RIC8B: variants seen among roughly 807,000 people sequenced by gnomAD.
RIC8B encodes the protein RIC8 guanine nucleotide exchange factor B.
A neutral mutation model predicts 57.5 loss-of-function variants in RIC8B; 16 were observed. The observed-to-expected ratio is 0.28, with a 90% CI of 0.19 to 0.42. The LOEUF (loss-of-function observed/expected upper bound fraction) is 0.42, where lower values mean the gene tolerates loss of function less well. Ranked by LOEUF, RIC8B falls within the 10% of genes least tolerant of loss-of-function variation. RIC8B has a pLI of 1.00. For synonymous variants in RIC8B, 216 were observed against 250.8 expected, an observed-to-expected ratio of 0.86 and a Z score of 1.31; for missense variants, 481 against 677.0, an observed-to-expected ratio of 0.71 and a Z score of 3.21.
At chr12:106,835,179 C>T (rs2136380274) in intron 4 of RIC8B, among the ~76,000 whole-genome samples, 1 of 152,122 alleles carries the variant, frequency 6.6e-6, no homozygotes, top group South Asian at 2.1e-4. Flanking sequence ...TCTGCCAGCA[C>T]AACTCTGGTT....
intron 2 of RIC8B, among the ~76,000 whole-genome samples, chr12:106,795,714 A>AC (rs1158588609): frequency 9.9e-5 from 15 of 152,254 alleles, no homozygotes; most frequent in Admixed American, 9.1e-4. Context: ...CTGCAGCTCG[A>AC]TTTTACAGGC....
chr12:106,846,861 A>G (rs1019621533), intron 6 of RIC8B, among the ~76,000 whole-genome samples: 3 of 152,214 alleles, frequency 2.0e-5, no homozygotes, highest in Admixed American at 2.0e-4. Flanking sequence ...GAGATGAAAC[A>G]TGACAGGTAA....
At chr12:106,840,019 A>G (rs562763463) in intron 4 of RIC8B, among the ~76,000 whole-genome samples, 2 of 152,002 alleles carry the variant, frequency 1.3e-5, no homozygotes, top group African/African-American at 2.4e-5. Flanking sequence ...CTCAAAAACA[A>G]TTTTTTTTAA....
At chr12:106,838,698 A>G (rs2046728732) in intron 4 of RIC8B, among the ~76,000 whole-genome samples, 1 of 152,220 alleles carries the variant, frequency 6.6e-6, no homozygotes, top group African/African-American at 2.4e-5. Flanking sequence ...ATGAAACTAG[A>G]AAACTTCTGC....
At chr12:106,807,089 C>G (rs1001566883) in intron 2 of RIC8B, among the ~76,000 whole-genome samples, 4 of 152,198 alleles carry the variant, frequency 2.6e-5, no homozygotes, top group East Asian at 1.9e-4. Flanking sequence ...AATTTTCCCT[C>G]TAAAATACAC....
chr12:106,861,537 CT>C (rs1195970146), intron 8 of RIC8B, among the ~76,000 whole-genome samples: 1 of 151,860 alleles, frequency 6.6e-6, no homozygotes, highest in Non-Finnish European at 1.5e-5. Context: ...GAAATAAAGA[CT>C]TTTTGGGGGA....
intron 2 of RIC8B, among the ~76,000 whole-genome samples, chr12:106,795,679 T>C (rs1462373966): frequency 6.6e-6 from 1 of 152,126 alleles, no homozygotes; most frequent in East Asian, 1.9e-4. Context: ...TTGAATATGA[T>C]TGGCACAACT....
rs372821340 is a variant in RIC8B at position 106,842,823 on chromosome 12, G to A, written c.1065+6G>A. On this transcript the variant is annotated splice_donor_region_variant and intron_variant, in intron 5 of 9. Coordinates refer to ENST00000392837, the MANE Select transcript of RIC8B (RefSeq NM_001330145.2). Reference sequence around the variant, plus strand: ...TGGAGAAGAGAATAGACAAGGTAAGGCTGATAAAATGGAAGCCCTGGGAAG... The same window carrying A: ...TGGAGAAGAGAATAGACAAGGTAAGACTGATAAAATGGAAGCCCTGGGAAG... The A allele has an allele frequency of 1.8e-4, 288 of 1,576,326 alleles. 1 individual carries two copies. The highest frequency in any genetic ancestry group is 3.1e-5 in the Non-Finnish European group (36 of 1,147,302).
chr12:106,860,575 G>T (rs1949888408), intron 8 of RIC8B, among the ~76,000 whole-genome samples, 163 bp downstream of exon 8: 2 of 152,120 alleles, frequency 1.3e-5, no homozygotes, highest in Admixed American at 1.3e-4. Context: ...TTTAGAGAGT[G>T]ACTTCAAGTG....
Position 106,825,310 on chromosome 12 carries a change from T to A in RIC8B, c.742-416T>A, listed in dbSNP as rs146884232. Among the ~76,000 whole-genome samples the A allele has an allele frequency of 2.4e-3, 365 of 152,322 alleles. 1 individual carries two copies. The highest frequency in any genetic ancestry group is 8.0e-3 in the African/African-American group (332 of 41,588). On this transcript the variant is annotated intron_variant, in intron 3 of 9. Transcript: ENST00000392837. The stretch of plus-strand genomic sequence containing the variant: ...ATTAAAATGAAGTTCGTGGATTTAT[T>A]GCTTTGAAAGTTAAGAGATGAGACA...
intron 2 of RIC8B, among the ~76,000 whole-genome samples, chr12:106,800,058 T>C (rs10861665): frequency 0.38 from 58,017 of 151,842 alleles, 11,276 homozygotes; most frequent in African/African-American, 0.44. Flanking sequence ...TATGCATTTA[T>C]ACAGCAAGAA....
Position 106,860,312 on chromosome 12 carries a change from C to G in RIC8B, c.1351C>G (p.Leu451Val), listed in dbSNP as rs777564232. 6.2e-7 allele frequency: 1 copy of G among 1,609,048 alleles called. No individual in the cohort carries two copies. The highest frequency in any genetic ancestry group is 1.1e-5 in the South Asian group (1 of 90,364). ...KYTGYGNAAG[L>V]LAARGLLAGG... is the part of the protein sequence containing the mutation. ...CACTGGCTATGGGAATGCTGCAGGA[C>G]TGTTGGCGGCCAGGGGCCTCTTGGC... The change falls in exon 8 of 10, where the codon CTG (leucine) becomes GTG (valine). Residue 451 changes from leucine to valine, a missense_variant. Coordinates refer to ENST00000392837, the MANE Select transcript of RIC8B (RefSeq NM_001330145.2).
intron 3 of RIC8B, among the ~76,000 whole-genome samples, chr12:106,824,994 C>G (rs1057152409): frequency 6.6e-6 from 1 of 152,072 alleles, no homozygotes; most frequent in African/African-American, 2.4e-5. Context: ...TCCAGGCTCT[C>G]TATCACAATT....
intron 9 of RIC8B, among the ~76,000 whole-genome samples, chr12:106,878,142 A>G (rs1217125675): frequency 1.1e-4 from 16 of 152,120 alleles, no homozygotes; most frequent in African/African-American, 3.6e-4. Flanking sequence ...GCTATGGAAA[A>G]GCTACCATAC....
chr12:106,824,087 C>G (rs142935727), intron 3 of RIC8B, among the ~76,000 whole-genome samples: 1 of 152,150 alleles, frequency 6.6e-6, no homozygotes, highest in African/African-American at 2.4e-5. Context: ...TCCAGTAGTC[C>G]TCTTTGTTTT....
intron 1 of RIC8B, 62 bp downstream of exon 1, chr12:106,774,891 C>T (rs898755061): frequency 7.2e-6 from 9 of 1,242,174 alleles, no homozygotes; most frequent in Admixed American, 2.5e-5. Flanking sequence ...CGTGCTTGCA[C>T]ATCGCATCCT....
At chr12:106,812,256 GC>G (rs1231841538) in intron 2 of RIC8B, among the ~76,000 whole-genome samples, 16 of 152,220 alleles carry the variant, frequency 1.1e-4, no homozygotes, top group African/African-American at 3.9e-4. Context: ...TCTTCTACAA[GC>G]TTTTAGATGA....
chr12:106,884,944 T>C (rs1472476005), intron 9 of RIC8B, among the ~76,000 whole-genome samples: 1 of 152,150 alleles, frequency 6.6e-6, no homozygotes, highest in African/African-American at 2.4e-5. Flanking sequence ...GACATGTTTT[T>C]GGGGGGTGAT....
intron 8 of RIC8B, among the ~76,000 whole-genome samples, chr12:106,868,814 CAG>C (rs1394994427): frequency 8.5e-6 from 1 of 117,542 alleles, no homozygotes; most frequent in African/African-American, 3.1e-5. Context: ...CACACACACA[CAG>C]ATTTATTAGT....
Sources: allele counts gnomAD v4.1 joint callset (sites outside exome capture counted in the v4.1 genomes callset), GRCh38; gene constraint gnomAD v4.1.1; transcripts MANE v1.5; gene names NCBI Gene and HGNC (gene_info 2026-07-23, HGNC 2026-07-21).